Variants in HMGXB4 observed in about 807,000 individuals in gnomAD.
HMGXB4 encodes HMG domain-containing protein 4.
A neutral mutation model predicts 63.9 loss-of-function variants in HMGXB4; 27 were observed. The observed-to-expected ratio is 0.42, with a 90% CI of 0.31 to 0.58. The LOEUF (loss-of-function observed/expected upper bound fraction) is 0.58, where lower values mean the gene tolerates loss of function less well. Among genes scored for constraint, HMGXB4 ranks in the 20% least tolerant of loss-of-function variants. The probability of loss-of-function intolerance (pLI) is 0.13; values close to 1 mark genes in which losing one functional copy is unlikely to be tolerated. For missense variants in HMGXB4, 624 were observed against 700.7 expected (o/e 0.89, Z 1.24); for synonymous variants, 264 against 265.3 (o/e 0.99, Z 0.05).
chr22:35,262,376 C>T lies in HMGXB4; in HGVS notation c.-15C>T. 4.3e-6 allele frequency: 7 copies of T among 1,613,586 alleles called. No individual in the cohort carries two copies. The highest frequency in any genetic ancestry group is 5.9e-6 in the Non-Finnish European group (7 of 1,179,492). ...GGACACAGTGACACATTCTCAAAGGCCCTGCAGGACCACCATGGCTTATGA... is the reference window on the plus strand; with the variant it reads ...GGACACAGTGACACATTCTCAAAGGTCCTGCAGGACCACCATGGCTTATGA... On this transcript the variant is annotated 5_prime_UTR_variant, in exon 2 of 11. Coordinates refer to ENST00000216106, the MANE Select transcript of HMGXB4 (RefSeq NM_001003681.3).
intron 5 of HMGXB4, among the ~76,000 whole-genome samples, chr22:35,277,693 A>T (rs1296729969): frequency 6.6e-6 from 1 of 152,188 alleles, no homozygotes; most frequent in African/African-American, 2.4e-5. Flanking sequence ...AACTCTTTTA[A>T]GATTTTATTT....
chr22:35,251,056 C>T, the HMGXB4 span, among the ~76,000 whole-genome samples: 1 of 150,200 alleles, frequency 6.7e-6, no homozygotes. Flanking sequence ...ATTGCCAATA[C>T]AATGCCTATA....
Position 35,269,732 on chromosome 22 carries a change from G to A in HMGXB4, c.1215+4129G>A, listed in dbSNP as rs185802362. Among the ~76,000 whole-genome samples the A allele has an allele frequency of 8.8e-4, 134 of 152,274 alleles. 1 individual carries two copies. The highest frequency in any genetic ancestry group is 3.0e-3 in the African/African-American group (125 of 41,552). On this transcript the variant is annotated intron_variant, in intron 5 of 10. Transcript: ENST00000216106. ...AGAGTAGGGAGAGACGAATAACCAA[G>A]GGAGTTACTATAGTCCAGAAGGTTA... is the stretch of plus-strand genomic sequence containing the variant.
At chr22:35,288,513 G>T in intron 9 of HMGXB4, 106 bp downstream of exon 9, 1 of 764,038 alleles carries the variant, frequency 1.3e-6, no homozygotes, top group Non-Finnish European at 1.9e-6. Context: ...TCTACTTTAT[G>T]CTAAATTATG....
chr22:35,271,447 T>TC (rs1923598501), intron 5 of HMGXB4, among the ~76,000 whole-genome samples: 1 of 152,180 alleles, frequency 6.6e-6, no homozygotes, highest in South Asian at 2.1e-4. Context: ...GAGAAGAAGA[T>TC]AAGTTAATTG....
chr22:35,265,971 T>C (rs1923222112), intron 5 of HMGXB4, among the ~76,000 whole-genome samples: 1 of 149,470 alleles, frequency 6.7e-6, no homozygotes, highest in Non-Finnish European at 1.5e-5. Context: ...GTATTTTTAA[T>C]AGAGACGAGG....
chr22:35,248,624 C>T, the HMGXB4 span, among the ~76,000 whole-genome samples: 1 of 151,906 alleles, frequency 6.6e-6, no homozygotes, highest in Non-Finnish European at 1.5e-5. Flanking sequence ...AGGCTGGTCT[C>T]GAACTCCTGA....
chr22:35,288,659 T>A (rs1393480147), intron 9 of HMGXB4, among the ~76,000 whole-genome samples: 1 of 152,142 alleles, frequency 6.6e-6, no homozygotes, highest in Non-Finnish European at 1.5e-5. Flanking sequence ...AAAAAGAAAT[T>A]GGAGTACCCT....
intron 9 of HMGXB4, among the ~76,000 whole-genome samples, chr22:35,291,851 C>T (rs1924950280): frequency 6.6e-6 from 1 of 152,144 alleles, no homozygotes; most frequent in Non-Finnish European, 1.5e-5. Flanking sequence ...TGGAATGTGA[C>T]CTCAAGGTCC....
chr22:35,245,319 G>T, the HMGXB4 span, among the ~76,000 whole-genome samples: 1 of 132,076 alleles, frequency 7.6e-6, no homozygotes, highest in Non-Finnish European at 1.7e-5. Flanking sequence ...CTTATTTTAT[G>T]AAACTTTCTA....
rs1234090762 is a variant in HMGXB4, at chr22:35,294,637, G to A, written c.*986G>A. On this transcript the variant is annotated 3_prime_UTR_variant, in exon 11 of 11. Coordinates refer to ENST00000216106, the MANE Select transcript of HMGXB4 (RefSeq NM_001003681.3). ...CACTCTCTTGTAGGTTTATTTATGT[G>A]TGTGTGAATGTGTATTTTAATTATG... The A allele has an allele frequency of 6.6e-6, 1 of 152,546 alleles. No homozygotes were observed. The highest frequency in any genetic ancestry group is 1.5e-5 in the Non-Finnish European group (1 of 68,012). 9.4% of individuals were successfully genotyped at this position (152,546 alleles called of 1,614,324 possible). A position where few individuals can be genotyped will look rare whatever the true frequency, so the allele number is the denominator to read the frequency against.
chr22:35,262,875 C>A, intron 2 of HMGXB4: 1 of 598,604 alleles, frequency 1.7e-6, no homozygotes, highest in Non-Finnish European at 2.9e-6. Flanking sequence ...AACATTGTTT[C>A]TTCAGGTTTG....
chr22:35,280,159 TA>T (rs1290260043), intron 5 of HMGXB4, among the ~76,000 whole-genome samples: 70 of 152,008 alleles, frequency 4.6e-4, no homozygotes, highest in Admixed American at 4.5e-3. Flanking sequence ...CCATATAACG[TA>T]ATATGACCAT....
chr22:35,264,150 C>A, intron 4 of HMGXB4: 1 of 1,161,124 alleles, frequency 8.6e-7, no homozygotes, highest in Non-Finnish European at 1.2e-6. Flanking sequence ...CCATTGTTAT[C>A]TAGCATCCCT....
intron 5 of HMGXB4, among the ~76,000 whole-genome samples, chr22:35,272,340 T>C (rs924603393): frequency 1.4e-5 from 2 of 145,220 alleles, no homozygotes; most frequent in Non-Finnish European, 3.1e-5. Context: ...AGCGGTGGGC[T>C]CTTACTTGAG....
intron 5 of HMGXB4, among the ~76,000 whole-genome samples, chr22:35,273,617 C>T (rs1482525468): frequency 6.6e-6 from 1 of 152,224 alleles, no homozygotes; most frequent in African/African-American, 2.4e-5. Context: ...TTCAGCCACT[C>T]ATTTCACATA....
At chr22:35,245,919 C>A in the HMGXB4 span, among the ~76,000 whole-genome samples, 1 of 152,102 alleles carries the variant, frequency 6.6e-6, no homozygotes, top group Non-Finnish European at 1.5e-5. Flanking sequence ...TCCAGGGGGA[C>A]CTCATTACTT....
chr22:35,243,506 GT>G, the HMGXB4 span, among the ~76,000 whole-genome samples: 4 of 151,930 alleles, frequency 2.6e-5, no homozygotes, highest in Non-Finnish European at 4.4e-5. Context: ...ATATTTAAGA[GT>G]TTTTTTTGTT....
intron 5 of HMGXB4, among the ~76,000 whole-genome samples, chr22:35,276,193 G>A (rs554328609): frequency 6.6e-6 from 1 of 152,156 alleles, no homozygotes; most frequent in Non-Finnish European, 1.5e-5. Flanking sequence ...CACGTGAGGC[G>A]AACAGTGTAA....
Sources: allele counts gnomAD v4.1 joint callset (sites outside exome capture counted in the v4.1 genomes callset), GRCh38; gene constraint gnomAD v4.1.1; transcripts MANE v1.5; gene names NCBI Gene and HGNC (gene_info 2026-07-23, HGNC 2026-07-21).